DSCAM: variants seen among roughly 807,000 people sequenced by gnomAD.
The protein encoded by DSCAM is DS cell adhesion molecule.
A neutral mutation model predicts 217.7 loss-of-function variants in DSCAM; 47 were observed. The observed-to-expected ratio is 0.22, with a 90% confidence interval of 0.17 to 0.28. The LOEUF (loss-of-function observed/expected upper bound fraction) is 0.28. Ranked by LOEUF, DSCAM falls within the 10% of genes least tolerant of loss-of-function variation. The probability of loss-of-function intolerance (pLI) is 1.00; values close to 1 mark genes in which losing one functional copy is unlikely to be tolerated. For synonymous variants in DSCAM, 1,056 were observed against 1,015.3 expected, an observed-to-expected ratio of 1.04 and a Z score of -0.76; for missense variants, 2,080 against 2,618.3, an observed-to-expected ratio of 0.79 and a Z score of 4.49.
At chr21:40,240,267 CTTTCCTT>C (rs2073131763) in intron 11 of DSCAM, among the ~76,000 whole-genome samples, 1 of 150,680 alleles carries the variant, frequency 6.6e-6, no homozygotes, top group Admixed American at 6.6e-5. Context: ...GGACCTCCAC[CTTTCCTT>C]TCTATTCCCA....
chr21:40,124,633 C>T (rs985008614), intron 19 of DSCAM, among the ~76,000 whole-genome samples: 2 of 152,046 alleles, frequency 1.3e-5, no homozygotes, highest in African/African-American at 4.8e-5. Context: ...CAGAGACAGA[C>T]ATGTATAGAG....
intron 1 of DSCAM, among the ~76,000 whole-genome samples, chr21:40,774,982 A>G (rs1222231713): frequency 1.9e-4 from 1 of 5,318 alleles, no homozygotes; most frequent in East Asian, 1.7e-3. Flanking sequence ...TATATAACAT[A>G]TAATTATAAT....
chr21:40,775,024 C>A (rs2091476432), intron 1 of DSCAM, among the ~76,000 whole-genome samples: 1 of 151,330 alleles, frequency 6.6e-6, no homozygotes, highest in Non-Finnish European at 1.5e-5. Context: ...ATTTTCAAAC[C>A]CAATCTGACC....
chr21:40,730,525 C>A (rs981386753), intron 1 of DSCAM, among the ~76,000 whole-genome samples: 6 of 152,190 alleles, frequency 3.9e-5, no homozygotes, highest in African/African-American at 1.4e-4. Flanking sequence ...AAAATCAAAT[C>A]TTATCTGTAA....
At chr21:40,710,880 G>A (rs556922425) in intron 1 of DSCAM, among the ~76,000 whole-genome samples, 1 of 152,210 alleles carries the variant, frequency 6.6e-6, no homozygotes, top group South Asian at 2.1e-4. Context: ...GGTCAGAAGT[G>A]AGAATAACAT....
At chr21:40,706,180 C>CAAAAAA (rs560131166) in intron 2 of DSCAM, among the ~76,000 whole-genome samples, 1 of 99,484 alleles carries the variant, frequency 1.0e-5, no homozygotes, top group Non-Finnish European at 2.2e-5. Context: ...ACTCCAGTCT[C>CAAAAAA]AAAAAAAAAA....
chr21:40,767,914 G>GTGTGTGCA (rs1491342630), intron 1 of DSCAM, among the ~76,000 whole-genome samples: 2 of 151,984 alleles, frequency 1.3e-5, no homozygotes, highest in African/African-American at 4.8e-5. Context: ...GTGTGTGTGC[G>GTGTGTGCA]TGTGTGCATG....
At chr21:40,792,137 C>CTTTTTTTTTTTT (rs67838146) in intron 1 of DSCAM, among the ~76,000 whole-genome samples, 1 of 118,602 alleles carries the variant, frequency 8.4e-6, no homozygotes, top group African/African-American at 3.7e-5. Flanking sequence ...TCTTCTTCTT[C>CTTTTTTTTTTTT]TTTTTTTTTT....
At chr21:40,341,368 AT>A (rs763034919) in intron 6 of DSCAM, among the ~76,000 whole-genome samples, 6 of 152,156 alleles carry the variant, frequency 3.9e-5, no homozygotes, top group Non-Finnish European at 7.4e-5. Flanking sequence ...TTAGCTGTAG[AT>A]TTCTTTTCAC....
chr21:40,526,280 G>T (rs1034617832), intron 3 of DSCAM, among the ~76,000 whole-genome samples: 2 of 152,086 alleles, frequency 1.3e-5, no homozygotes, highest in African/African-American at 4.8e-5. Flanking sequence ...TTTTTTTCAG[G>T]GCAAGTACTT....
intron 3 of DSCAM, among the ~76,000 whole-genome samples, chr21:40,675,218 C>T (rs2090325469): frequency 6.6e-6 from 1 of 152,116 alleles, no homozygotes; most frequent in South Asian, 2.1e-4. Context: ...CCCCAGACCA[C>T]GGGGACTAAT....
chr21:40,494,315 C>T (rs1313861982), intron 3 of DSCAM, among the ~76,000 whole-genome samples: 1 of 152,146 alleles, frequency 6.6e-6, no homozygotes, highest in Non-Finnish European at 1.5e-5. Flanking sequence ...AAGACAGTCA[C>T]TTCAGATTTA....
intron 3 of DSCAM, among the ~76,000 whole-genome samples, chr21:40,580,658 T>C (rs463621): frequency 0.26 from 39,621 of 151,934 alleles, 5,368 homozygotes; most frequent in Middle Eastern, 0.32. Context: ...TCCACACCAG[T>C]AGAAGAAATA....
At chr21:40,631,795 A>G (rs2089694699) in intron 3 of DSCAM, among the ~76,000 whole-genome samples, 1 of 152,198 alleles carries the variant, frequency 6.6e-6, no homozygotes, top group Admixed American at 6.5e-5. Context: ...CTCTGTGGGG[A>G]ACCTCACTCC....
At chr21:40,173,500 TAC>T (rs2090681605) in intron 15 of DSCAM, among the ~76,000 whole-genome samples, 1 of 152,148 alleles carries the variant, frequency 6.6e-6, no homozygotes, top group South Asian at 2.1e-4. Context: ...GACAAAAATC[TAC>T]AGAGGCAGAT....
chr21:40,613,682 CT>C (rs1265671149), intron 3 of DSCAM, among the ~76,000 whole-genome samples: 1 of 151,992 alleles, frequency 6.6e-6, no homozygotes, highest in Admixed American at 6.6e-5. Flanking sequence ...TTCCACTTCA[CT>C]TTAGGGGGAT....
chr21:40,178,267 G>A (rs2090754747), intron 15 of DSCAM, among the ~76,000 whole-genome samples: 3 of 152,088 alleles, frequency 2.0e-5, no homozygotes, highest in Admixed American at 2.0e-4. Flanking sequence ...GTGTGCATGT[G>A]CGTGTGTGGG....
At chr21:40,251,862 A>T (rs1601486031) in intron 11 of DSCAM, among the ~76,000 whole-genome samples, 1 of 151,938 alleles carries the variant, frequency 6.6e-6, no homozygotes, top group Non-Finnish European at 1.5e-5. Flanking sequence ...TCTTTTTTTT[A>T]AAACAAAACA....
intron 3 of DSCAM, among the ~76,000 whole-genome samples, chr21:40,680,593 C>CTGTCA (rs2090390646): frequency 6.6e-6 from 1 of 152,212 alleles, no homozygotes; most frequent in Non-Finnish European, 1.5e-5. Context: ...AGCTTCTTTT[C>CTGTCA]AAAGAACATT....
Sources: allele counts gnomAD v4.1 joint callset (sites outside exome capture counted in the v4.1 genomes callset), GRCh38; gene constraint gnomAD v4.1.1; transcripts MANE v1.5; gene names NCBI Gene and HGNC (gene_info 2026-07-23, HGNC 2026-07-21).